Variants in TOX2 observed in about 807,000 individuals in gnomAD.
The protein encoded by TOX2 is TOX high mobility group box family member 2, also known as granulosa cell HMG box 1.
In TOX2, 15 loss-of-function variants were observed where a neutral mutation model predicts 47.4. The observed-to-expected ratio is 0.32, with a 90% CI of 0.21 to 0.49. TOX2 has a LOEUF of 0.49. TOX2 is among the 20% of genes least tolerant of loss of function. The pLI is 0.99. For synonymous variants in TOX2, 290 were observed against 296.6 expected (o/e 0.98, Z 0.23); for missense variants, 622 against 673.1 (o/e 0.92, Z 0.84).
intron 1 of TOX2, among the ~76,000 whole-genome samples, chr20:43,918,279 T>G (rs975867774): frequency 6.6e-6 from 1 of 152,188 alleles, no homozygotes; most frequent in African/African-American, 2.4e-5. Context: ...ATTTGTTGCT[T>G]AGTGACCTAG....
intron 4 of TOX2, among the ~76,000 whole-genome samples, chr20:44,052,372 A>G (rs915260609): frequency 1.3e-5 from 2 of 152,198 alleles, no homozygotes; most frequent in Admixed American, 1.3e-4. Flanking sequence ...CAAAGACAGA[A>G]GTGTTTGCCC....
At chr20:43,999,339 C>A (rs2070536171) in intron 2 of TOX2, among the ~76,000 whole-genome samples, 1 of 152,008 alleles carries the variant, frequency 6.6e-6, no homozygotes, top group Non-Finnish European at 1.5e-5. Context: ...AAAATTTTTG[C>A]TTTTCCTTAA....
intron 3 of TOX2, among the ~76,000 whole-genome samples, chr20:44,023,625 C>T (rs1027166229): frequency 6.6e-6 from 1 of 152,216 alleles, no homozygotes; most frequent in African/African-American, 2.4e-5. Flanking sequence ...GCCTTAAGCA[C>T]CAATGTGTTC....
chr20:44,026,250 G>GTATATATATATATAT (rs2071066125), intron 3 of TOX2, among the ~76,000 whole-genome samples: 1 of 82,952 alleles, frequency 1.2e-5, no homozygotes, highest in Admixed American at 1.2e-4. Flanking sequence ...TATATATATA[G>GTATATATATATATAT]ACACACACAC....
In TOX2 at chr20:44,054,247, G is replaced by A. The variant is rs1427269052; in HGVS notation, c.652-52G>A. 7 of 1,550,492 alleles carry A rather than the reference G, an allele frequency of 4.5e-6. No individual in the cohort carries two copies. In the African/African-American group the frequency reaches 9.6e-5, roughly 21 times the overall value. Reference sequence around the variant, plus strand: ...GCCCAAGTCTGTGTTGATCGCCTTTGGCAGGAGGCCCTTGGGCTTCTTTGG... The same window carrying A: ...GCCCAAGTCTGTGTTGATCGCCTTTAGCAGGAGGCCCTTGGGCTTCTTTGG... On this transcript the variant is annotated intron_variant, in intron 4 of 8. Transcript: ENST00000341197.
intron 3 of TOX2, among the ~76,000 whole-genome samples, chr20:44,034,997 C>A (rs2071216968): frequency 6.6e-6 from 1 of 152,232 alleles, no homozygotes; most frequent in African/African-American, 2.4e-5. Context: ...TCCCAAGAGT[C>A]TTGCTTGACT....
chr20:44,018,818 G>A (rs1053458773), intron 3 of TOX2, among the ~76,000 whole-genome samples: 1 of 152,216 alleles, frequency 6.6e-6, no homozygotes, highest in South Asian at 2.1e-4. Flanking sequence ...TTTAAGCTCA[G>A]CAGCTGTGTT....
intron 4 of TOX2, among the ~76,000 whole-genome samples, chr20:44,052,447 C>T (rs909529310): frequency 4.6e-5 from 7 of 152,200 alleles, no homozygotes; most frequent in Admixed American, 1.3e-4. Context: ...CTGCCTCTGT[C>T]GATCCAGTGT....
chr20:44,023,697 G>A (rs1054385977), intron 3 of TOX2, among the ~76,000 whole-genome samples: 15 of 152,356 alleles, frequency 9.8e-5, no homozygotes, highest in South Asian at 4.1e-4. Context: ...TCAGGGAGCC[G>A]AGGAGCTGCA....
intron 2 of TOX2, among the ~76,000 whole-genome samples, 190 bp from the exon 3 acceptor site, chr20:44,006,357 T>C (rs1488806597): frequency 6.6e-6 from 1 of 152,038 alleles, no homozygotes; most frequent in Non-Finnish European, 1.5e-5. Flanking sequence ...AAACATCTGT[T>C]TGGGGATAGG....
chr20:44,008,962 C>T (rs555438227), intron 3 of TOX2, among the ~76,000 whole-genome samples: 4 of 152,330 alleles, frequency 2.6e-5, no homozygotes, highest in African/African-American at 7.2e-5. Context: ...ATGACAGCAT[C>T]GCTGGACAGA....
chr20:44,032,702 C>T (rs759967427), intron 3 of TOX2, among the ~76,000 whole-genome samples: 2 of 152,234 alleles, frequency 1.3e-5, no homozygotes, highest in Non-Finnish European at 2.9e-5. Flanking sequence ...GTGGGGAGCA[C>T]GGGGACTCCC....
At chr20:43,945,134 C>A (rs1045044771) in intron 1 of TOX2, among the ~76,000 whole-genome samples, 1 of 151,608 alleles carries the variant, frequency 6.6e-6, no homozygotes, top group Non-Finnish European at 1.5e-5. Context: ...ATGTAATACA[C>A]GCTTGTGGTA....
At chr20:44,019,724 T>G (rs1283675371) in intron 3 of TOX2, among the ~76,000 whole-genome samples, 2 of 152,194 alleles carry the variant, frequency 1.3e-5, no homozygotes, top group Admixed American at 1.3e-4. Flanking sequence ...TAGTTCTTCC[T>G]GTCATCCCGG....
intron 3 of TOX2, among the ~76,000 whole-genome samples, chr20:44,017,699 C>T (rs2070904318): frequency 6.6e-6 from 1 of 152,160 alleles, no homozygotes; most frequent in African/African-American, 2.4e-5. Flanking sequence ...TACTTAAACC[C>T]TTTCTATTTA....
chr20:44,005,937 G>T (rs1257664128), intron 2 of TOX2, among the ~76,000 whole-genome samples: 1 of 151,794 alleles, frequency 6.6e-6, no homozygotes, highest in Admixed American at 6.5e-5. Flanking sequence ...GTTTGGCGAG[G>T]TGGGAAAAAA....
At chr20:43,947,127 G>A (rs1280759197) in intron 1 of TOX2, among the ~76,000 whole-genome samples, 1 of 152,196 alleles carries the variant, frequency 6.6e-6, no homozygotes. Flanking sequence ...GAGCCAGCTG[G>A]ACACAGAATG....
chr20:44,050,357 C>T (rs537391129), intron 3 of TOX2, among the ~76,000 whole-genome samples: 1 of 152,030 alleles, frequency 6.6e-6, no homozygotes, highest in African/African-American at 2.4e-5. Flanking sequence ...AAGAAACAAC[C>T]CACATAAAAC....
intron 2 of TOX2, among the ~76,000 whole-genome samples, chr20:43,984,406 G>A (rs1359694081): frequency 6.6e-6 from 1 of 152,202 alleles, no homozygotes; most frequent in Non-Finnish European, 1.5e-5. Flanking sequence ...ATATATGTCA[G>A]ATTGAACTAA....
Sources: gnomAD v4.1 joint callset for allele counts (sites outside exome capture counted in the v4.1 genomes callset) on GRCh38, gnomAD v4.1.1 for gene constraint, MANE v1.5 for transcripts, NCBI Gene and HGNC (gene_info 2026-07-23, HGNC 2026-07-21) for gene names.